The following UBE2E1 variants were observed in gnomAD, a reference collection of about 807,000 sequenced individuals.
UBE2E1 encodes ubiquitin-conjugating enzyme E2 E1.
Under a neutral mutation model 21.4 loss-of-function variants are expected in UBE2E1, and 6 were observed. The ratio of observed to expected loss-of-function variants is 0.28; its 90% CI spans 0.15 to 0.55. The LOEUF (loss-of-function observed/expected upper bound fraction) is 0.55, where lower values mean the gene tolerates loss of function less well. Among genes scored for constraint, UBE2E1 ranks in the 20% least tolerant of loss-of-function variants. The probability of loss-of-function intolerance (pLI) is 0.93; values close to 1 mark genes in which losing one functional copy is unlikely to be tolerated. For synonymous variants in UBE2E1, 87 were observed against 82.7 expected (o/e 1.05, Z -0.28); for missense variants, 142 against 236.5 (o/e 0.60, Z 2.62).
intron 3 of UBE2E1, among the ~76,000 whole-genome samples, chr3:23,874,911 C>A (rs1048299912): frequency 6.6e-6 from 1 of 152,146 alleles, no homozygotes; most frequent in Non-Finnish European, 1.5e-5. Flanking sequence ...CCTACCCCCA[C>A]GACTACCCTG....
Position 23,810,517 on chromosome 3 carries a change from G to A in UBE2E1, c.153-943G>A. The A allele has an allele frequency of 3.9e-6, 6 of 1,535,116 alleles. No homozygotes were observed. The highest frequency in any genetic ancestry group is 5.2e-6 in the Non-Finnish European group (6 of 1,146,310). On this transcript the variant is annotated intron_variant, in intron 2 of 5. Transcript: ENST00000306627. This position sits in a 1 kb window ranked among gnomAD's most constrained non-coding sequence, Gnocchi z 5.8. The stretch of plus-strand genomic sequence containing the variant: ...GACCCCGGGAAGTTAGAGGACGCCC[G>A]GGGAAAAGCAGGTCCGGGGAGGTGG...
At chr3:23,882,597 G>A (rs559760208) in intron 3 of UBE2E1, among the ~76,000 whole-genome samples, 1 of 150,846 alleles carries the variant, frequency 6.6e-6, no homozygotes, top group East Asian at 2.1e-4. Context: ...TCCCCATCGG[G>A]GAGGCTCAGG....
chr3:23,877,515 T>A (rs1700941497), intron 3 of UBE2E1, among the ~76,000 whole-genome samples: 2 of 152,238 alleles, frequency 1.3e-5, no homozygotes, highest in South Asian at 4.1e-4. Flanking sequence ...CTGGCCTCTA[T>A]CCACCAGATG....
intron 3 of UBE2E1, among the ~76,000 whole-genome samples, chr3:23,874,943 G>T (rs748866611): frequency 1.3e-5 from 2 of 152,100 alleles, no homozygotes; most frequent in Non-Finnish European, 1.5e-5. Flanking sequence ...GGGAAAGTGC[G>T]GTTCCTTAGC....
At chr3:23,888,218 T>C (rs1361484487) in intron 4 of UBE2E1, 1 of 457,030 alleles carries the variant, frequency 2.2e-6, no homozygotes, top group Middle Eastern at 3.3e-4. Context: ...CATGTTTTGG[T>C]CTTGTTCCTT....
At chr3:23,847,971 C>T (rs1471038231) in intron 3 of UBE2E1, among the ~76,000 whole-genome samples, 3 of 152,124 alleles carry the variant, frequency 2.0e-5, no homozygotes, top group Admixed American at 2.0e-4. Context: ...ATAGATTATA[C>T]ACCCCTTTCC....
At chr3:23,832,994 A>G (rs758704379) in intron 3 of UBE2E1, among the ~76,000 whole-genome samples, 1 of 152,216 alleles carries the variant, frequency 6.6e-6, no homozygotes, top group East Asian at 1.9e-4. Context: ...TGTTTGTGCC[A>G]TTGTACTCCA....
Position 23,887,609 on chromosome 3 carries a change from C to T in UBE2E1, c.246C>T (p.Thr82=). 1 of 1,613,694 alleles carries T rather than the reference C, an allele frequency of 6.2e-7. No homozygotes were observed. ...KGDNIYEWRS[T]ILGPPGSVYE... ...ATAACATCTATGAATGGAGATCAAC[C>T]ATTCTAGGGCCTCCAGGATCCGTGT... The change falls in exon 4 of 6, where the codon ACC becomes ACT. Residue 82 remains threonine, a synonymous_variant. Coordinates refer to ENST00000306627, the MANE Select transcript of UBE2E1 (RefSeq NM_003341.5). This position sits in a 1 kb window ranked among gnomAD's most constrained non-coding sequence, Gnocchi z 4.4.
In UBE2E1 at chr3:23,846,991, T is replaced by G. The variant is rs567064906; in HGVS notation, c.203+35481T>G. Among the ~76,000 whole-genome samples, 3 of 152,330 alleles carry G rather than the reference T, an allele frequency of 2.0e-5. No individual in the cohort carries two copies. In the South Asian group the frequency reaches 6.2e-4, roughly 32 times the overall value. ...AATATGTTAATCATGTTATTACACG[T>G]TTTAAGAAGATAAGCTAATTCTTGA... On this transcript the variant is annotated intron_variant, in intron 3 of 5. Transcript: ENST00000306627.
At chr3:23,883,904 CAAA>C (rs35520751) in intron 3 of UBE2E1, among the ~76,000 whole-genome samples, 2,003 of 87,214 alleles carry the variant, frequency 0.023, 30 homozygotes, top group South Asian at 0.074. Flanking sequence ...TGACAGATCT[CAAA>C]AAAAAAAAAA....
At chr3:23,833,011 G>A (rs1183335983) in intron 3 of UBE2E1, among the ~76,000 whole-genome samples, 1 of 152,094 alleles carries the variant, frequency 6.6e-6, no homozygotes, top group Non-Finnish European at 1.5e-5. Flanking sequence ...TCCAGCCTGG[G>A]CGACAAAGTG....
intron 3 of UBE2E1, among the ~76,000 whole-genome samples, chr3:23,865,547 TC>T (rs1700639508): frequency 1.3e-5 from 2 of 151,818 alleles, no homozygotes; most frequent in African/African-American, 4.8e-5. Flanking sequence ...AGAGATGAGG[TC>T]TCACAATGTT....
At chr3:23,846,583 C>G (rs1700208912) in intron 3 of UBE2E1, among the ~76,000 whole-genome samples, 2 of 151,744 alleles carry the variant, frequency 1.3e-5, no homozygotes, top group African/African-American at 4.8e-5. Flanking sequence ...GTGGTCCCAG[C>G]TACTCGGGAG....
intron 3 of UBE2E1, among the ~76,000 whole-genome samples, chr3:23,819,290 A>C (rs930227115): frequency 1.3e-5 from 2 of 152,234 alleles, no homozygotes; most frequent in Middle Eastern, 3.4e-3. Context: ...TCTCAAAATA[A>C]ATAAATAAAT....
chr3:23,839,856 A>G (rs554154488), intron 3 of UBE2E1, among the ~76,000 whole-genome samples: 30 of 152,252 alleles, frequency 2.0e-4, no homozygotes, highest in African/African-American at 7.0e-4. Flanking sequence ...ACTTTTAAGA[A>G]TTACTCTTTA....
Position 23,870,308 on chromosome 3 carries a change from G to C in UBE2E1, c.204-17259G>C, listed in dbSNP as rs1037043573. Among the ~76,000 whole-genome samples the C allele has an allele frequency of 4.6e-5, 7 of 152,166 alleles. No individual in the cohort carries two copies. Among genetic ancestry groups the C allele is most frequent in the Admixed American group, 1.3e-4 (2 of 15,284 alleles). ...TTTTTTAAAAAAAGGAGCCAGTTGT[G>C]AAGTCACACTTATATCACTTTAGAC... On this transcript the variant is annotated intron_variant, in intron 3 of 5. Coordinates refer to ENST00000306627, the MANE Select transcript of UBE2E1 (RefSeq NM_003341.5). The surrounding 1 kb of genome is among the most constrained non-coding windows in gnomAD (Gnocchi z 4.2).
intron 3 of UBE2E1, among the ~76,000 whole-genome samples, chr3:23,874,096 T>G (rs189924760): frequency 3.2e-3 from 480 of 152,116 alleles, no homozygotes; most frequent in Non-Finnish European, 5.4e-3. Flanking sequence ...CCACCTGGAG[T>G]TTGAGATTGG....
chr3:23,818,997 TAG>T (rs1445416304), intron 3 of UBE2E1, among the ~76,000 whole-genome samples: 1 of 152,076 alleles, frequency 6.6e-6, no homozygotes, highest in Non-Finnish European at 1.5e-5. Flanking sequence ...TAAAAATTGC[TAG>T]AGAGTCCGGG....
intron 3 of UBE2E1, among the ~76,000 whole-genome samples, chr3:23,843,716 C>T (rs1700138999): frequency 9.0e-6 from 1 of 110,572 alleles, no homozygotes; most frequent in African/African-American, 3.7e-5. Flanking sequence ...TCTTTAACAA[C>T]TGTGTGGCAG....
Sources: allele counts gnomAD v4.1 joint callset (sites outside exome capture counted in the v4.1 genomes callset), GRCh38; gene constraint gnomAD v4.1.1; non-coding constraint Gnocchi (gnomAD v3.1); transcripts MANE v1.5; gene names NCBI Gene and HGNC (gene_info 2026-07-23, HGNC 2026-07-21).